FANCL: variants seen among roughly 807,000 people sequenced by gnomAD.
The protein encoded by FANCL is E3 ubiquitin-protein ligase FANCL.
FANCL carries 69 observed loss-of-function variants against 59.4 expected under a neutral mutation model. The observed-to-expected ratio is 1.16, with a 90% CI of 0.96 to 1.42. FANCL has a LOEUF of 1.42. Among genes scored for constraint, FANCL ranks in the 40% most tolerant of loss-of-function variants. FANCL has a pLI of 0.00. For missense variants in FANCL, 519 were observed against 447.2 expected, an observed-to-expected ratio of 1.16 and a Z score of -1.45; for synonymous variants, 180 against 147.1, an observed-to-expected ratio of 1.22 and a Z score of -1.62.
Position 58,232,061 on chromosome 2 carries a change from T to A in FANCL, c.148A>T (p.Asn50Tyr), listed in dbSNP as rs777689729. ...IVLPEDLQLK[N>Y]ARLLCSWQLR... The stretch of plus-strand genomic sequence containing the variant: ...AACTAAACACCATATCACCTTGCAT[T>A]CTTCAGTTGTAAATCTTCAGGCAAC... The change falls in exon 2 of 14, where the codon AAT (asparagine) becomes TAT (tyrosine). Residue 50 changes from asparagine to tyrosine, a missense_variant. By Grantham distance (143) the Asn-to-Tyr change is moderately radical (BLOSUM62 -2). Transcript: ENST00000233741. 9.3e-6 allele frequency: 15 copies of A among 1,613,118 alleles called. No homozygotes were observed. In the Admixed American group the frequency reaches 1.2e-4, roughly 13 times the overall value.
intron 5 of FANCL, among the ~76,000 whole-genome samples, chr2:58,204,997 G>A (rs904206756): frequency 6.6e-6 from 1 of 151,980 alleles, no homozygotes; most frequent in Non-Finnish European, 1.5e-5. Context: ...TTCAAATTTA[G>A]CAGTATATTT....
At chr2:58,219,185 T>A (rs891671147) in intron 5 of FANCL, among the ~76,000 whole-genome samples, 13 of 102,136 alleles carry the variant, frequency 1.3e-4, no homozygotes, top group African/African-American at 4.0e-4. Flanking sequence ...TATATATATA[T>A]ATATATATAT....
At chr2:58,171,653 G>A (rs1048168461) in intron 7 of FANCL, among the ~76,000 whole-genome samples, 14 of 152,170 alleles carry the variant, frequency 9.2e-5, no homozygotes, top group South Asian at 4.1e-4. Context: ...GAACAGCTCC[G>A]GTCTACAGCT....
At chr2:58,225,942 TACAA>T (rs1692959286) in intron 4 of FANCL, among the ~76,000 whole-genome samples, 1 of 152,032 alleles carries the variant, frequency 6.6e-6, no homozygotes, top group East Asian at 1.9e-4. Context: ...TGCATACTAA[TACAA>T]ACAAAGCAGC....
chr2:58,203,408 T>TA (rs1264370864), intron 6 of FANCL, among the ~76,000 whole-genome samples: 52 of 146,800 alleles, frequency 3.5e-4, no homozygotes, highest in African/African-American at 3.7e-4. Flanking sequence ...CAAGAATAAT[T>TA]AAAAAAAAAA....
chr2:58,214,374 T>G (rs771394654), intron 5 of FANCL, among the ~76,000 whole-genome samples: 1 of 152,324 alleles, frequency 6.6e-6, no homozygotes, highest in African/African-American at 2.4e-5. Flanking sequence ...TTTTATATAC[T>G]TGACTATTTC....
chr2:58,173,470 G>A (rs1330480075), intron 7 of FANCL, among the ~76,000 whole-genome samples: 1 of 152,128 alleles, frequency 6.6e-6, no homozygotes, highest in African/African-American at 2.4e-5. Flanking sequence ...GAAGAGAGTG[G>A]GAGCCAATAT....
chr2:58,186,278 T>C (rs1195327697), intron 7 of FANCL, among the ~76,000 whole-genome samples: 2 of 152,190 alleles, frequency 1.3e-5, no homozygotes, highest in African/African-American at 4.8e-5. Context: ...GAATTTTCTT[T>C]AAGAAGGTAA....
At chr2:58,217,589 A>G (rs1558807829) in intron 5 of FANCL, among the ~76,000 whole-genome samples, 1 of 152,042 alleles carries the variant, frequency 6.6e-6, no homozygotes, top group East Asian at 1.9e-4. Context: ...GAATATTTCT[A>G]GAGATGAAAA....
intron 7 of FANCL, among the ~76,000 whole-genome samples, chr2:58,170,921 T>C (rs1002748373): frequency 6.6e-6 from 1 of 152,054 alleles, no homozygotes; most frequent in Admixed American, 6.5e-5. Flanking sequence ...CACACAATAA[T>C]AGTGGGAGAC....
At chr2:58,200,343 T>C (rs1246319507) in intron 6 of FANCL, among the ~76,000 whole-genome samples, 1 of 152,056 alleles carries the variant, frequency 6.6e-6, no homozygotes, top group Non-Finnish European at 1.5e-5. Context: ...TCATTTAATT[T>C]CTCTGGCTGT....
intron 7 of FANCL, among the ~76,000 whole-genome samples, chr2:58,186,271 T>C (rs1405442573): frequency 6.6e-6 from 1 of 152,180 alleles, no homozygotes; most frequent in East Asian, 1.9e-4. Context: ...AACATCAGAA[T>C]TTTCTTTAAG....
At chr2:58,185,906 T>C (rs1275260000) in intron 7 of FANCL, among the ~76,000 whole-genome samples, 2 of 152,144 alleles carry the variant, frequency 1.3e-5, no homozygotes, top group East Asian at 3.8e-4. Flanking sequence ...TACACTTAGG[T>C]CTAAACATTT....
At chr2:58,187,471 C>G (rs1035750903) in intron 7 of FANCL, among the ~76,000 whole-genome samples, 10 of 151,484 alleles carry the variant, frequency 6.6e-5, no homozygotes, top group African/African-American at 2.4e-4. Context: ...ATGCAAATGA[C>G]GAGTTAATGG....
intron 5 of FANCL, among the ~76,000 whole-genome samples, chr2:58,219,535 C>T (rs1293716214): frequency 6.6e-6 from 1 of 151,780 alleles, no homozygotes; most frequent in Non-Finnish European, 1.5e-5. Flanking sequence ...AAAACAGTAA[C>T]TTTACGGTGC....
At chr2:58,197,985 G>A (rs1267957227) in intron 7 of FANCL, among the ~76,000 whole-genome samples, 1 of 151,972 alleles carries the variant, frequency 6.6e-6, no homozygotes, top group Non-Finnish European at 1.5e-5. Context: ...AAGTGCTTCT[G>A]CATGTTTACT....
intron 7 of FANCL, among the ~76,000 whole-genome samples, chr2:58,179,212 A>C (rs1000793222): frequency 2.0e-5 from 3 of 152,052 alleles, no homozygotes; most frequent in African/African-American, 7.2e-5. Context: ...TGGCTTTCTT[A>C]ACAGAATTAG....
intron 7 of FANCL, among the ~76,000 whole-genome samples, chr2:58,182,239 T>C (rs931896889): frequency 6.6e-6 from 1 of 151,874 alleles, no homozygotes; most frequent in Non-Finnish European, 1.5e-5. Context: ...AACATTAATA[T>C]ACAAATTCTA....
In FANCL at chr2:58,237,671, C is replaced by T. The variant is rs139316425; in HGVS notation, c.96+3547G>A. Among the ~76,000 whole-genome samples the T allele has an allele frequency of 8.2e-4, 125 of 151,902 alleles. 2 individuals carry two copies. The East Asian group carries it at 0.02, about 24-fold the overall frequency. ...TTTATAAACCTCTATCTAGATGTATCGGGGGAAAAAATGAGACATAAATTA... is the reference window on the plus strand; with the variant it reads ...TTTATAAACCTCTATCTAGATGTATTGGGGGAAAAAATGAGACATAAATTA... On this transcript the variant is annotated intron_variant, in intron 1 of 13. Coordinates refer to ENST00000233741, the MANE Select transcript of FANCL (RefSeq NM_018062.4).
Sources: allele counts gnomAD v4.1 joint callset (sites outside exome capture counted in the v4.1 genomes callset), GRCh38; gene constraint gnomAD v4.1.1; transcripts MANE v1.5; gene names NCBI Gene and HGNC (gene_info 2026-07-23, HGNC 2026-07-21).